ADGRL2: variants seen among roughly 807,000 people sequenced by gnomAD.
ADGRL2 encodes adhesion G protein-coupled receptor L2.
In ADGRL2, 44 loss-of-function variants were observed where a neutral mutation model predicts 157.4. The ratio of observed to expected loss-of-function variants is 0.28; its 90% CI spans 0.22 to 0.36. The LOEUF (loss-of-function observed/expected upper bound fraction) is 0.36. ADGRL2 is among the 10% of genes least tolerant of loss of function. The pLI is 1.00. For missense variants in ADGRL2, 1,510 were observed against 1,768.9 expected (o/e 0.85, Z 2.63); for synonymous variants, 585 against 624.7 (o/e 0.94, Z 0.95).
intron 1 of ADGRL2, among the ~76,000 whole-genome samples, chr1:81,336,807 G>GTTTGGTAAA (rs1407725729): frequency 1.3e-5 from 2 of 152,138 alleles, no homozygotes; most frequent in African/African-American, 4.8e-5. Context: ...GGCCCAAAGT[G>GTTTGGTAAA]AGAACTTTAC....
intron 3 of ADGRL2, among the ~76,000 whole-genome samples, chr1:81,925,337 CTA>C: frequency 6.6e-6 from 1 of 151,902 alleles, no homozygotes; most frequent in South Asian, 2.1e-4. Context: ...ACAAAATATC[CTA>C]TGAGTTTGTT....
At chr1:81,911,876 ATTTTTT>A (rs543340647) in intron 3 of ADGRL2, among the ~76,000 whole-genome samples, 1 of 120,736 alleles carries the variant, frequency 8.3e-6, no homozygotes. Context: ...CCTGCCTCCC[ATTTTTT>A]TTTTTTTTTT....
chr1:81,827,641 C>G (rs1185888708), intron 1 of ADGRL2, among the ~76,000 whole-genome samples: 1 of 152,178 alleles, frequency 6.6e-6, no homozygotes, highest in African/African-American at 2.4e-5. Context: ...TCTTGGCGCA[C>G]TACACCCTCA....
chr1:81,971,863 A>C lies in ADGRL2; in HGVS notation c.2966A>C (p.His989Pro). The change falls in exon 17 of 24, where the codon CAT becomes CCT. Residue 989 changes from histidine (H) to proline (P), a missense_variant. Physicochemically the swap from His to Pro is moderately conservative, Grantham distance 77. Around this residue, in one of 4 missense-constraint regions of ADGRL2, gnomAD observed 497 missense variants for 627.2 expected, o/e 0.79. Coordinates refer to ENST00000686636, the MANE Select transcript of ADGRL2 (RefSeq NM_001366006.2). The stretch of plus-strand genomic sequence containing the variant: ...TCTTTTCATAATAGTTGCTGGCTTC[A>C]TGTTGATAACTACTTTATATGGAGC... ...SYGTEKACWL[H>P]VDNYFIWSFI... The C allele has an allele frequency of 6.2e-7, 1 of 1,605,794 alleles. No homozygotes were observed. The highest frequency in any genetic ancestry group is 8.5e-7 in the Non-Finnish European group (1 of 1,173,540).
intron 2 of ADGRL2, among the ~76,000 whole-genome samples, chr1:81,580,677 C>T (rs2080889741): frequency 6.6e-6 from 1 of 152,100 alleles, no homozygotes; most frequent in Admixed American, 6.6e-5. Context: ...TTGTTGATTT[C>T]CTTCTGTTGT....
At chr1:81,800,034 T>C (rs1467572076), upstream of ADGRL2, among the ~76,000 whole-genome samples, 1 of 152,070 alleles carries the variant, frequency 6.6e-6, no homozygotes, top group African/African-American at 2.4e-5. Context: ...TTTGCTGACA[T>C]TGCCAACCGA....
intron 2 of ADGRL2, among the ~76,000 whole-genome samples, chr1:81,456,392 T>A (rs113128581): frequency 2.4e-4 from 36 of 152,086 alleles, no homozygotes; most frequent in Admixed American, 5.2e-4. Flanking sequence ...CTAATTTTTT[T>A]AATTTTTATT....
At chr1:81,778,923 CAT>C (rs1407338726) in intron 2 of ADGRL2, among the ~76,000 whole-genome samples, 1 of 152,182 alleles carries the variant, frequency 6.6e-6, no homozygotes, top group Non-Finnish European at 1.5e-5. Context: ...CAAATAGTAA[CAT>C]ATGTTTTATA....
At chr1:81,491,727 A>T (rs1350144107) in intron 2 of ADGRL2, among the ~76,000 whole-genome samples, 2 of 152,212 alleles carry the variant, frequency 1.3e-5, no homozygotes, top group Non-Finnish European at 2.9e-5. Context: ...TAGAAAGTAA[A>T]ACAATTTCTA....
At chr1:81,787,312 A>T (rs2087098294) in intron 2 of ADGRL2, among the ~76,000 whole-genome samples, 1 of 152,164 alleles carries the variant, frequency 6.6e-6, no homozygotes, top group Non-Finnish European at 1.5e-5. Flanking sequence ...AATCAAAATC[A>T]TTATTTGTTT....
At chr1:81,648,133 T>C (rs945237902) in intron 3 of ADGRL2, among the ~76,000 whole-genome samples, 1 of 152,194 alleles carries the variant, frequency 6.6e-6, no homozygotes, top group African/African-American at 2.4e-5. Flanking sequence ...AGAGAGATTT[T>C]ATAATAAATG....
intron 2 of ADGRL2, among the ~76,000 whole-genome samples, chr1:81,462,302 C>T (rs1033446131): frequency 6.6e-6 from 1 of 152,212 alleles, no homozygotes; most frequent in Admixed American, 6.5e-5. Flanking sequence ...CAGCAACCTG[C>T]TCTGCTGCCC....
chr1:81,333,446 C>T (rs1661414637), intron 1 of ADGRL2, among the ~76,000 whole-genome samples: 1 of 151,952 alleles, frequency 6.6e-6, no homozygotes, highest in Non-Finnish European at 1.5e-5. Context: ...GACGGAGTCT[C>T]ACTCTATCGC....
chr1:81,984,244 T>TA (rs1285046411), intron 19 of ADGRL2: 1 of 158,782 alleles, frequency 6.3e-6, no homozygotes, highest in Non-Finnish European at 1.4e-5. Context: ...TTTCTTAGCA[T>TA]AAAAAATTGG....
chr1:81,723,048 C>A, intron 1 of ADGRL2: 1 of 760,666 alleles, frequency 1.3e-6, no homozygotes, highest in South Asian at 1.3e-5. Context: ...AGTAAATTGT[C>A]AGCCAATTGG....
chr1:81,905,762 T>C (rs971824680), intron 2 of ADGRL2, among the ~76,000 whole-genome samples: 4 of 152,220 alleles, frequency 2.6e-5, no homozygotes, highest in African/African-American at 9.6e-5. Context: ...TTAAAATAGG[T>C]TGCATTTCAA....
At chr1:81,830,471 G>C (rs2091866512) in intron 1 of ADGRL2, among the ~76,000 whole-genome samples, 1 of 152,112 alleles carries the variant, frequency 6.6e-6, no homozygotes, top group Non-Finnish European at 1.5e-5. Context: ...GCTTCTTACT[G>C]TGTATTCTTT....
At chr1:81,912,954 A>C (rs1418279892) in intron 3 of ADGRL2, among the ~76,000 whole-genome samples, 1 of 152,286 alleles carries the variant, frequency 6.6e-6, no homozygotes, top group Non-Finnish European at 1.5e-5. Flanking sequence ...TAAAGTAGGG[A>C]TAAACTTCTA....
intron 3 of ADGRL2, among the ~76,000 whole-genome samples, chr1:81,610,608 A>G (rs1305353555): frequency 6.6e-6 from 1 of 152,224 alleles, no homozygotes; most frequent in African/African-American, 2.4e-5. Context: ...ATATTTTAAA[A>G]GAGGTCTCTG....
Sources: gnomAD v4.1 joint callset for allele counts (sites outside exome capture counted in the v4.1 genomes callset) on GRCh38, gnomAD v4.1.1 for gene constraint, gnomAD v4.1.1 regional missense constraint, MANE v1.5 for transcripts, NCBI Gene and HGNC (gene_info 2026-07-23, HGNC 2026-07-21) for gene names.